AFMID: variants seen among roughly 807,000 people sequenced by gnomAD.
AFMID encodes the protein kynurenine formamidase.
AFMID carries 39 observed loss-of-function variants against 47.5 expected under a neutral mutation model. The observed-to-expected ratio is 0.82, with a 90% CI of 0.64 to 1.07. The LOEUF is 1.07. Ranked by LOEUF, AFMID falls within the 50% of genes least tolerant of loss-of-function variation. The pLI is 0.00. For missense variants in AFMID, 375 were observed against 387.5 expected, an observed-to-expected ratio of 0.97 and a Z score of 0.27; for synonymous variants, 130 against 153.2, an observed-to-expected ratio of 0.85 and a Z score of 1.12.
At chr17:78,203,048 C>A in intron 4 of AFMID, 1 of 300,496 alleles carries the variant, frequency 3.3e-6, no homozygotes, top group Non-Finnish European at 6.0e-6. Context: ...CTCAAATCTT[C>A]CTCTCTCTTT....
rs374306732 is a variant in AFMID, at chr17:78,199,267, A to ACGCAATT, written c.155-3229_155-3223dup. Among the ~76,000 whole-genome samples the ACGCAATT allele has an allele frequency of 2.4e-3, 371 of 152,238 alleles. 1 individual carries two copies. Among genetic ancestry groups the ACGCAATT allele is most frequent in the African/African-American group, 8.7e-3 (362 of 41,526 alleles). On this transcript the variant is annotated intron_variant, in intron 2 of 10. Coordinates refer to ENST00000409257, the MANE Select transcript of AFMID (RefSeq NM_001010982.5). ...TTTATGGTTCTGCATTCTGGCATAG[A>ACGCAATT]CGCAATTCGTACAAGCTCTCAGCCC...
rs148838900 is a variant in AFMID, at chr17:78,194,609, C to T, written c.154+3549C>T. ...AACTGCTGTGTGAGTATGGTCAGGG[C>T]GCAGGAGGCTGGCAGAGAGGGGGTT... On this transcript the variant is annotated intron_variant, in intron 2 of 10. Transcript: ENST00000409257. 2.4e-3 allele frequency among the ~76,000 whole-genome samples: 366 copies of T among 152,168 alleles called. 1 individual carries two copies. Among genetic ancestry groups the T allele is most frequent in the Non-Finnish European group, 3.3e-3 (223 of 68,004 alleles).
intron 2 of AFMID, chr17:78,192,703 C>T (rs571805927): frequency 4.3e-6 from 2 of 470,366 alleles, no homozygotes; most frequent in Non-Finnish European, 8.8e-6. Context: ...TACCCTGTAT[C>T]TGCAAAGTGC....
intron 2 of AFMID, among the ~76,000 whole-genome samples, chr17:78,198,914 A>G (rs929167906): frequency 1.3e-5 from 2 of 152,188 alleles, no homozygotes; most frequent in African/African-American, 4.8e-5. Context: ...GCCCCCGTCA[A>G]GGTGGCCACT....
chr17:78,198,177 C>T (rs562308485), intron 2 of AFMID, among the ~76,000 whole-genome samples: 63 of 152,054 alleles, frequency 4.1e-4, no homozygotes, highest in Non-Finnish European at 7.5e-4. Context: ...TGCAGTAAGC[C>T]GAGATTGCAC....
rs149529356 is a variant in AFMID, at chr17:78,192,609, T to C, written c.154+1549T>C. ...GATTACAGGTATGAGCCACCGTGCC[T>C]GGACTTTCACCTTTTCTTTCTTTAA... On this transcript the variant is annotated intron_variant, in intron 2 of 10. Transcript: ENST00000409257. The C allele has an allele frequency of 3.8e-4, 179 of 470,948 alleles. 1 individual carries two copies. In the East Asian group the frequency reaches 0.011, roughly 29 times the overall value. The allele number at this position is 470,948 out of a possible 1,614,324, so 29.2% of individuals were successfully genotyped here. A position where few individuals can be genotyped will look rare whatever the true frequency, so the allele number is the denominator to read the frequency against.
At chr17:78,201,799 C>T (rs1467544675) in intron 2 of AFMID, among the ~76,000 whole-genome samples, 2 of 151,782 alleles carry the variant, frequency 1.3e-5, no homozygotes, top group Non-Finnish European at 2.9e-5. Flanking sequence ...GGCGTGATCT[C>T]AGCTCACTGC....
intron 9 of AFMID, 95 bp from the exon 10 acceptor site, chr17:78,205,851 G>A (rs2076366726): frequency 1.3e-6 from 2 of 1,594,642 alleles, no homozygotes; most frequent in Admixed American, 1.7e-5. Context: ...AACACGTACT[G>A]AGTGAACCCT....
At chr17:78,191,337 G>A (rs999681373) in intron 2 of AFMID, among the ~76,000 whole-genome samples, 21 of 152,276 alleles carry the variant, frequency 1.4e-4, no homozygotes, top group South Asian at 2.1e-4. Context: ...AGGCCCGTAA[G>A]GCTGCGGGCT....
chr17:78,204,550 T>G (rs1599014572), intron 4 of AFMID, 106 bp from the exon 5 acceptor site: 2 of 1,037,206 alleles, frequency 1.9e-6, no homozygotes, highest in Non-Finnish European at 3.0e-6. Context: ...CAGAAAGGGG[T>G]GATGCTGTGC....
chr17:78,205,377 G>A, intron 7 of AFMID, 63 bp from the exon 8 acceptor site: 1 of 1,578,894 alleles, frequency 6.3e-7, no homozygotes, highest in Non-Finnish European at 8.7e-7. Flanking sequence ...GGCGGTGGGG[G>A]TGGGCTGGCC....
chr17:78,202,745 G>A lies in AFMID; in HGVS notation c.302G>A (p.Ser101Asn), dbSNP rs1220178425. 1 of 1,557,842 alleles carries A rather than the reference G, an allele frequency of 6.4e-7. No individual in the cohort carries two copies. Among genetic ancestry groups the A allele is most frequent in the Non-Finnish European group, 8.7e-7 (1 of 1,150,318 alleles). The change falls in exon 4 of 11, where the codon AGC (serine) becomes AAC (asparagine). Residue 101 changes from serine to asparagine, a missense_variant. By Grantham distance (46) the Ser-to-Asn change is conservative. Coordinates refer to ENST00000409257, the MANE Select transcript of AFMID (RefSeq NM_001010982.5). ...TTCTTTCACGGAGGATACTGGCAGA[G>A]CGGAAGGTGAGTCGGGGGATGTGGA... ...FLFFHGGYWQ[S>N]GSKDESAFMV...
At position 78,206,781 on chromosome 17, in the gene AFMID, C is replaced by T. The variant is rs1336264615; in HGVS notation, c.886-130C>T. 12 of 941,934 alleles carry T rather than the reference C, an allele frequency of 1.3e-5. No individual in the cohort carries two copies. The East Asian group carries it at 1.5e-4, about 12-fold the overall frequency. 58.3% of individuals were successfully genotyped at this position (941,934 alleles called of 1,614,324 possible). On this transcript the variant is annotated intron_variant, in intron 10 of 10. Transcript: ENST00000409257. ...TCCTGAGTTCAAGTGATCTTCCCAC[C>T]TCAGCCTCCCGAAGGGTTGGGGTTG...
In AFMID at chr17:78,197,191, C is replaced by G. The variant is rs1358521209; in HGVS notation, c.155-5308C>G. 4 of 1,550,634 alleles carry G rather than the reference C, an allele frequency of 2.6e-6. No homozygotes were observed. In the South Asian group the frequency reaches 4.8e-5, roughly 18 times the overall value. On this transcript the variant is annotated intron_variant, in intron 2 of 10. Coordinates refer to ENST00000409257, the MANE Select transcript of AFMID (RefSeq NM_001010982.5). ...ATTAAATCACGACCTTCTGATGAAG[C>G]CACTCCGATGAGCCTGTGAGGCACA...
intron 2 of AFMID, among the ~76,000 whole-genome samples, chr17:78,194,913 C>CA (rs2076070914): frequency 6.6e-6 from 1 of 151,928 alleles, no homozygotes. Flanking sequence ...AGGCTGGTCT[C>CA]AAACTCCCGA....
chr17:78,191,935 C>T (rs1293562746), intron 2 of AFMID, among the ~76,000 whole-genome samples: 1 of 152,042 alleles, frequency 6.6e-6, no homozygotes, highest in Non-Finnish European at 1.5e-5. Flanking sequence ...ATCTGGCTGC[C>T]TCGGCCTCCC....
chr17:78,191,045 C>G lies in AFMID; in HGVS notation c.139C>G (p.Gln47Glu). The change falls in exon 2 of 11, where the codon CAG (glutamine) becomes GAG (glutamate). Residue 47 changes from glutamine to glutamate, a missense_variant. Gln to Glu is a conservative substitution (Grantham distance 29). Transcript: ENST00000409257. ...AGAGGAAGCCTTGAGGACCTACTCA[C>G]AGATAGGAATTGAAGGTACTAGTGT... ...GAEEALRTYS[Q>E]IGIEATTRAR... is the part of the protein sequence containing the mutation. 6.2e-7 allele frequency: 1 copy of G among 1,613,970 alleles called. No individual in the cohort carries two copies. Among genetic ancestry groups the G allele is most frequent in the Non-Finnish European group, 8.5e-7 (1 of 1,179,948 alleles).
chr17:78,202,423 C>T (rs544788496), intron 2 of AFMID, 76 bp from the exon 3 acceptor site: 173 of 1,423,538 alleles, frequency 1.2e-4, no homozygotes, highest in Middle Eastern at 1.8e-4. Context: ...AGTGAGACTT[C>T]GTCTCAAAAA....
chr17:78,192,054 A>C (rs1037414225), intron 2 of AFMID, among the ~76,000 whole-genome samples: 1 of 151,302 alleles, frequency 6.6e-6, no homozygotes, highest in African/African-American at 2.4e-5. Flanking sequence ...GCTGGAGTGC[A>C]ATGGCATGAT....
Sources: gnomAD v4.1 joint callset for allele counts (sites outside exome capture counted in the v4.1 genomes callset) on GRCh38, gnomAD v4.1.1 for gene constraint, MANE v1.5 for transcripts, NCBI Gene and HGNC (gene_info 2026-07-23, HGNC 2026-07-21) for gene names.